Variants in EBLN1 observed in about 807,000 individuals in gnomAD.
EBLN1 encodes endogenous Bornavirus like nucleoprotein 1.
Under a neutral mutation model 0.8 loss-of-function variants are expected in EBLN1, and 1 was observed. That is an observed-to-expected ratio of 1.32 (90% confidence interval 0.47 to 6.26). EBLN1 has a LOEUF of 6.26. EBLN1 is among the 30% of genes most tolerant of loss of function. The probability of loss-of-function intolerance (pLI) is 0.15; values close to 1 mark genes in which losing one functional copy is unlikely to be tolerated. For missense variants in EBLN1, 396 were observed against 447.9 expected, an observed-to-expected ratio of 0.88 and a Z score of 1.05; for synonymous variants, 158 against 158.5, an observed-to-expected ratio of 1.00 and a Z score of 0.02.
Position 22,212,392 on chromosome 10 carries a change from A to G in EBLN1, c.-45+450T>C, listed in dbSNP as rs557281810. 3.7e-4 allele frequency among the ~76,000 whole-genome samples: 57 copies of G among 152,308 alleles called. 1 individual carries two copies. Among genetic ancestry groups the G allele is most frequent in the African/African-American group, 1.1e-3 (47 of 41,538 alleles). ...ATGAAAATTTGATCCCTTATCTTATAAAATGCCGTAGCAGTAGGATACATA... is the reference window on the plus strand; with the variant it reads ...ATGAAAATTTGATCCCTTATCTTATGAAATGCCGTAGCAGTAGGATACATA... On this transcript the variant is annotated intron_variant, in intron 2 of 2. Transcript: ENST00000422359.
chr10:22,210,063 A>G (rs971765530), intron 2 of EBLN1, 36 bp from the exon 3 acceptor site: 9 of 1,257,808 alleles, frequency 7.2e-6, no homozygotes, highest in Non-Finnish European at 9.0e-6. Context: ...ACAACAAAAT[A>G]TTTTTAAATT....
At position 22,208,675 on chromosome 10, in the gene EBLN1, T is replaced by C; in HGVS notation, c.*208A>G. On this transcript the variant is annotated 3_prime_UTR_variant, in exon 3 of 3. Coordinates refer to ENST00000422359, the MANE Select transcript of EBLN1 (RefSeq NM_001394757.1). ...AAGCATATTTTTGGCCTCCAGTACT[T>C]AAAAAGACTTTGGAGATCACATCTT... 1.9e-6 allele frequency: 1 copy of C among 528,372 alleles called. No individual in the cohort carries two copies. The highest frequency in any genetic ancestry group is 3.0e-6 in the Non-Finnish European group (1 of 335,330). The allele number at this position is 528,372 out of a possible 1,614,324, so 32.7% of individuals were successfully genotyped here.
At chr10:22,215,759 C>T (rs1834787764) in intron 1 of EBLN1, among the ~76,000 whole-genome samples, 2 of 151,996 alleles carry the variant, frequency 1.3e-5, no homozygotes, top group South Asian at 2.1e-4. Flanking sequence ...ATACAAAGAC[C>T]CTCATTTCAG....
intron 2 of EBLN1, among the ~76,000 whole-genome samples, chr10:22,212,400 G>A (rs1555922): frequency 0.19 from 29,607 of 152,034 alleles, 3,036 homozygotes; most frequent in Admixed American, 0.24. Flanking sequence ...ATAAAATGCC[G>A]TAGCAGTAGG....
chr10:22,209,796 A>G lies in EBLN1; in HGVS notation c.188T>C (p.Met63Thr). The G allele has an allele frequency of 6.5e-7, 1 of 1,535,286 alleles. No homozygotes were observed. Among genetic ancestry groups the G allele is most frequent in the Non-Finnish European group, 8.7e-7 (1 of 1,146,560 alleles). Residue 63 changes from methionine (M) to threonine (T), a missense_variant, in exon 3 of 3, where the codon ATG (methionine) becomes ACG (threonine). Met to Thr is a moderately conservative substitution (Grantham distance 81). Coordinates refer to ENST00000422359, the MANE Select transcript of EBLN1 (RefSeq NM_001394757.1). ...ATGAGATCTCTGTGCTGGGTCTAGC[A>G]TAGACTTAGTTGCTTTTTCAATGAC... ...VKVIEKATKS[M>T]LDPAQRSHFY...
chr10:22,213,304 A>T (rs1195051126), intron 1 of EBLN1, among the ~76,000 whole-genome samples: 1 of 152,242 alleles, frequency 6.6e-6, no homozygotes, highest in Non-Finnish European at 1.5e-5. Flanking sequence ...AAATTCAAAA[A>T]TGGAAAAGTA....
chr10:22,216,572 T>C (rs1331091144), intron 1 of EBLN1, among the ~76,000 whole-genome samples: 1 of 152,190 alleles, frequency 6.6e-6, no homozygotes, highest in East Asian at 1.9e-4. Flanking sequence ...GTACAATAGG[T>C]AATTTATTTG....
chr10:22,213,751 A>C (rs1564324077), intron 1 of EBLN1, among the ~76,000 whole-genome samples: 1 of 152,248 alleles, frequency 6.6e-6, no homozygotes. Context: ...CTTGAAGTTT[A>C]ATTGAGCATT....
chr10:22,212,799 T>C (rs904870873), intron 2 of EBLN1, among the ~76,000 whole-genome samples, 43 bp downstream of exon 2: 1 of 133,280 alleles, frequency 7.5e-6, no homozygotes, highest in Non-Finnish European at 1.5e-5. Context: ...AAAAAAAAAG[T>C]TGTGTTTTTT....
rs149395196 is a variant in EBLN1, at chr10:22,214,238, C to T, written c.-168-1273G>A. On this transcript the variant is annotated intron_variant, in intron 1 of 2. Coordinates refer to ENST00000422359, the MANE Select transcript of EBLN1 (RefSeq NM_001394757.1). ...TATAGAAAAATTACAAGAAAATATA[C>T]ATTAATGTGATTCAAACTCCACAGA... is the stretch of plus-strand genomic sequence containing the variant. Among the ~76,000 whole-genome samples, 13 of 151,146 alleles carry T rather than the reference C, an allele frequency of 8.6e-5. No individual in the cohort carries two copies. In the East Asian group the frequency reaches 2.5e-3, roughly 29 times the overall value.
At chr10:22,210,816 C>A (rs1386381019) in intron 2 of EBLN1, among the ~76,000 whole-genome samples, 1 of 152,116 alleles carries the variant, frequency 6.6e-6, no homozygotes, top group Admixed American at 6.5e-5. Flanking sequence ...ACTCGCTGGC[C>A]AAGTGGGTGC....
At chr10:22,215,158 G>C (rs371703177) in intron 1 of EBLN1, among the ~76,000 whole-genome samples, 2 of 152,192 alleles carry the variant, frequency 1.3e-5, no homozygotes, top group Admixed American at 1.3e-4. Context: ...TAAATAAGGA[G>C]TGACTGATAA....
rs1196614328 is a variant in EBLN1, at chr10:22,209,907, A to G, written c.77T>C (p.Phe26Ser). 3.9e-5 allele frequency: 58 copies of G among 1,480,894 alleles called. No homozygotes were observed. Among genetic ancestry groups the G allele is most frequent in the Non-Finnish European group, 4.7e-5 (53 of 1,123,498 alleles). The allele number at this position is 1,480,894 out of a possible 1,614,324, so 91.7% of individuals were successfully genotyped here. A position where few individuals can be genotyped will look rare whatever the true frequency, so the allele number is the denominator to read the frequency against. ...CCCAGAGAGCTCAAATCTCCCTTGA[A>G]AGTAATGGAAGCTGCTCCCATCCTT... ...STKDGSSFHY[F>S]QGRFELSGKS... The change falls in exon 3 of 3, where the codon TTT becomes TCT. Residue 26 changes from phenylalanine (F) to serine (S), a missense_variant. Coordinates refer to ENST00000422359, the MANE Select transcript of EBLN1 (RefSeq NM_001394757.1).
In EBLN1 at chr10:22,209,064, T is replaced by C. The variant is rs1236319534; in HGVS notation, c.920A>G (p.Tyr307Cys). The part of the protein sequence containing the change: ...MFPNLATAAN[Y>C]WAKRRNSTFS... Reference sequence around the variant, plus strand: ...TGTGGAATTCCTTCTTTTGGCCCAGTAGTTTGCTGCTGTTGCTAGGTTTGG... The same window carrying C: ...TGTGGAATTCCTTCTTTTGGCCCAGCAGTTTGCTGCTGTTGCTAGGTTTGG... The change falls in exon 3 of 3, where the codon TAC becomes TGC. Residue 307 changes from tyrosine (Y) to cysteine (C), a missense_variant. Tyr to Cys is a radical substitution (Grantham distance 194, BLOSUM62 -2). Coordinates refer to ENST00000422359, the MANE Select transcript of EBLN1 (RefSeq NM_001394757.1). 1 of 1,536,616 alleles carries C rather than the reference T, an allele frequency of 6.5e-7. No homozygotes were observed. Among genetic ancestry groups the C allele is most frequent in the South Asian group, 1.2e-5 (1 of 84,058 alleles).
chr10:22,214,940 C>T (rs1377908801), intron 1 of EBLN1, among the ~76,000 whole-genome samples: 1 of 152,164 alleles, frequency 6.6e-6, no homozygotes, highest in African/African-American at 2.4e-5. Flanking sequence ...ATCTGTACAA[C>T]AAAATGTTAT....
At chr10:22,215,358 C>G (rs988972761) in intron 1 of EBLN1, among the ~76,000 whole-genome samples, 2 of 152,078 alleles carry the variant, frequency 1.3e-5, no homozygotes, top group Non-Finnish European at 2.9e-5. Flanking sequence ...TATGATATCA[C>G]TGTACATTAT....
chr10:22,209,138 C>A lies in EBLN1; in HGVS notation c.846G>T (p.Gly282=). ...CAATAACAGGGTGGCGAAGTACACCCCCAAATTCAAAGAAATCTCCAAGTA... is the reference window on the plus strand; with the variant it reads ...CAATAACAGGGTGGCGAAGTACACCACCAAATTCAAAGAAATCTCCAAGTA... ...KKVLGDFFEF[G]GVLRHPVIGV... The change falls in exon 3 of 3, where the codon GGG becomes GGT. Residue 282 remains glycine, a synonymous_variant. Transcript: ENST00000422359. 1 of 1,535,980 alleles carries A rather than the reference C, an allele frequency of 6.5e-7. No homozygotes were observed. Among genetic ancestry groups the A allele is most frequent in the Non-Finnish European group, 8.7e-7 (1 of 1,146,908 alleles).
At chr10:22,213,884 T>C (rs1834772302) in intron 1 of EBLN1, among the ~76,000 whole-genome samples, 1 of 152,158 alleles carries the variant, frequency 6.6e-6, no homozygotes, top group Non-Finnish European at 1.5e-5. Flanking sequence ...GATGATTAAT[T>C]AAATATGAGG....
chr10:22,216,084 G>A (rs984198819), intron 1 of EBLN1, among the ~76,000 whole-genome samples: 12 of 151,876 alleles, frequency 7.9e-5, no homozygotes, highest in South Asian at 2.1e-4. Flanking sequence ...AGCACTATAC[G>A]ATGTGTGGTT....
Sources: gnomAD v4.1 joint callset for allele counts (sites outside exome capture counted in the v4.1 genomes callset) on GRCh38, gnomAD v4.1.1 for gene constraint, MANE v1.5 for transcripts, NCBI Gene and HGNC (gene_info 2026-07-23, HGNC 2026-07-21) for gene names.